Variants in HYCC2 observed in about 807,000 individuals in gnomAD.
HYCC2 encodes the protein hyccin PI4KA lipid kinase complex subunit 2.
At chr2:201,047,465 T>TATAC in the HYCC2 span, among the ~76,000 whole-genome samples, 2 of 148,806 alleles carry the variant, frequency 1.3e-5, no homozygotes, top group Non-Finnish European at 3.0e-5. Flanking sequence ...TATATATATA[T>TATAC]ACACACACAC....
the HYCC2 span, among the ~76,000 whole-genome samples, chr2:201,050,229 TC>T: frequency 7.0e-6 from 1 of 142,732 alleles, no homozygotes; most frequent in Non-Finnish European, 1.5e-5. Flanking sequence ...AAAAAAAAAT[TC>T]CCCCCAAAAC....
chr2:201,047,428 G>T, the HYCC2 span, among the ~76,000 whole-genome samples: 4 of 143,632 alleles, frequency 2.8e-5, no homozygotes, highest in Non-Finnish European at 6.0e-5. Context: ...TAATGTGTGT[G>T]TGTGTGTCAC....
chr2:200,981,203 GT>G, the HYCC2 span: 1 of 1,533,092 alleles, frequency 6.5e-7, no homozygotes, highest in South Asian at 1.2e-5. This position sits in a 1 kb window ranked among gnomAD's most constrained non-coding sequence, Gnocchi z 4.5. Context: ...GTGGGATGAA[GT>G]GTCTTCTTGC....
At chr2:201,034,369 T>A in the HYCC2 span, among the ~76,000 whole-genome samples, 1 of 152,190 alleles carries the variant, frequency 6.6e-6, no homozygotes, top group Non-Finnish European at 1.5e-5. Flanking sequence ...AATGGCCTTC[T>A]TTGTCTCTTC....
At chr2:200,976,384 G>A in the HYCC2 span, 2 of 152,196 alleles carry the variant, frequency 1.3e-5, no homozygotes, top group East Asian at 3.8e-4. Context: ...GAAATGGACA[G>A]ATATTCCTTG....
the HYCC2 span, chr2:201,011,405 GA>G: frequency 6.4e-7 from 1 of 1,567,246 alleles, no homozygotes; most frequent in Non-Finnish European, 8.7e-7. Context: ...ATGGTATATT[GA>G]AGGCTTGGAT....
the HYCC2 span, chr2:200,980,924 C>CACCA: frequency 1.8e-5 from 5 of 274,810 alleles, no homozygotes; most frequent in Non-Finnish European, 3.5e-5. Flanking sequence ...GGATCATATA[C>CACCA]ACCATTTCCT....
At chr2:201,069,442 C>T in the HYCC2 span, among the ~76,000 whole-genome samples, 1 of 151,946 alleles carries the variant, frequency 6.6e-6, no homozygotes, top group Non-Finnish European at 1.5e-5. Flanking sequence ...ATTTCCTACT[C>T]GATACTCAAC....
the HYCC2 span, among the ~76,000 whole-genome samples, chr2:201,062,272 A>G: frequency 1.3e-5 from 2 of 152,076 alleles, no homozygotes; most frequent in Non-Finnish European, 2.9e-5. Flanking sequence ...TAATCCTGGC[A>G]CTTTGGGAGG....
At chr2:201,040,191 G>A in the HYCC2 span, among the ~76,000 whole-genome samples, 1 of 151,300 alleles carries the variant, frequency 6.6e-6, no homozygotes, top group Admixed American at 6.6e-5. Flanking sequence ...AAAAAAGTGA[G>A]GAAATAAATT....
chr2:201,010,979 T>C, the HYCC2 span, among the ~76,000 whole-genome samples: 3 of 151,752 alleles, frequency 2.0e-5, no homozygotes, highest in Admixed American at 6.6e-5. Flanking sequence ...ACCCCATCTC[T>C]ACTAAAAATA....
At chr2:201,045,936 T>C in the HYCC2 span, among the ~76,000 whole-genome samples, 2,372 of 152,246 alleles carry the variant, frequency 0.016, 71 homozygotes, top group African/African-American at 0.054. Flanking sequence ...TTTTGAAACA[T>C]GTTACAGTGA....
At chr2:201,011,508 T>G in the HYCC2 span, 1 of 1,001,884 alleles carries the variant, frequency 1.0e-6, no homozygotes, top group Non-Finnish European at 1.4e-6. Flanking sequence ...AATGAAATAA[T>G]CACAGATCTA....
chr2:201,006,355 G>C, the HYCC2 span, among the ~76,000 whole-genome samples: 1 of 148,058 alleles, frequency 6.8e-6, no homozygotes, highest in Admixed American at 6.8e-5. Flanking sequence ...TGGCCAGGCT[G>C]GTTTTGAACT....
chr2:201,008,913 A>G, the HYCC2 span: 1 of 986,726 alleles, frequency 1.0e-6, no homozygotes, highest in Non-Finnish European at 1.6e-6. Context: ...TCATTCATTC[A>G]TATATATATT....
chr2:201,017,153 GC>G, the HYCC2 span: 5 of 1,613,076 alleles, frequency 3.1e-6, no homozygotes, highest in Non-Finnish European at 4.2e-6. Context: ...ACAGCTGATG[GC>G]AGACAGGCTC....
chr2:201,068,148 G>A, the HYCC2 span, among the ~76,000 whole-genome samples: 5 of 152,184 alleles, frequency 3.3e-5, no homozygotes, highest in East Asian at 1.9e-4. Context: ...TTAGCCGGGC[G>A]TGGTGGCACA....
the HYCC2 span, among the ~76,000 whole-genome samples, chr2:201,043,432 T>TAAAA: frequency 1.3e-5 from 1 of 74,894 alleles, no homozygotes; most frequent in South Asian, 4.7e-4. Flanking sequence ...CAATAAATAC[T>TAAAA]AAAAAAAAAA....
At chr2:200,984,920 C>G in the HYCC2 span, among the ~76,000 whole-genome samples, 2 of 152,178 alleles carry the variant, frequency 1.3e-5, no homozygotes. Flanking sequence ...CAAGACTAGT[C>G]TGGGCAACAT....
Sources: gnomAD v4.1 joint callset for allele counts (sites outside exome capture counted in the v4.1 genomes callset) on GRCh38, gnomAD v4.1.1 for gene constraint, Gnocchi (gnomAD v3.1) non-coding constraint, MANE v1.5 for transcripts, NCBI Gene and HGNC (gene_info 2026-07-23, HGNC 2026-07-21) for gene names.